The following MELTF variants were observed in gnomAD, a reference collection of about 807,000 sequenced individuals.
MELTF encodes melanotransferrin.
A neutral mutation model predicts 83.7 loss-of-function variants in MELTF; 67 were observed. The ratio of observed to expected loss-of-function variants is 0.80; its 90% CI spans 0.66 to 0.98. The LOEUF (loss-of-function observed/expected upper bound fraction) is 0.98. Ranked by LOEUF, MELTF falls within the 50% of genes least tolerant of loss-of-function variation. The probability of loss-of-function intolerance (pLI) is 0.00; values close to 1 mark genes in which losing one functional copy is unlikely to be tolerated. For missense variants in MELTF, 1,002 were observed against 1,035.6 expected (o/e 0.97, Z 0.44); for synonymous variants, 462 against 447.6 (o/e 1.03, Z -0.41).
Position 197,003,817 on chromosome 3 carries a change from C to T in MELTF, c.2137+84G>A, listed in dbSNP as rs1489804253. On this transcript the variant is annotated intron_variant, in intron 15 of 15. Coordinates refer to ENST00000296350, the MANE Select transcript of MELTF (RefSeq NM_005929.6). This position sits in a 1 kb window ranked among gnomAD's most constrained non-coding sequence, Gnocchi z 6.2. ...GGGCCTCCACCCGCCTCCCCGGACC[C>T]GCAGCGCCCCCCGCTCCCTCAGGGT... 5.5e-6 allele frequency: 8 copies of T among 1,458,162 alleles called. No individual in the cohort carries two copies. The highest frequency in any genetic ancestry group is 2.3e-5 in the East Asian group (1 of 43,596). The allele number at this position is 1,458,162 out of a possible 1,614,324, so 90.3% of individuals were successfully genotyped here.
Position 197,022,009 on chromosome 3 carries a change from A to T in MELTF, c.645-538T>A, listed in dbSNP as rs1719643612. Among the ~76,000 whole-genome samples the T allele has an allele frequency of 6.6e-6, 1 of 152,136 alleles. No individual in the cohort carries two copies. The highest frequency in any genetic ancestry group is 2.4e-5 in the African/African-American group (1 of 41,428). ...GCTGGGGTGACAGGTGTGTGCCACCATGCTGGGCTAATTTTCAGGGTGTTT... is the reference window on the plus strand; with the variant it reads ...GCTGGGGTGACAGGTGTGTGCCACCTTGCTGGGCTAATTTTCAGGGTGTTT... On this transcript the variant is annotated intron_variant, in intron 5 of 15. Coordinates refer to ENST00000296350, the MANE Select transcript of MELTF (RefSeq NM_005929.6). The surrounding 1 kb of genome is among the most constrained non-coding windows in gnomAD (Gnocchi z 5.1).
In MELTF at chr3:197,029,690, T is replaced by A. The variant is rs1577953111; in HGVS notation, c.13A>T (p.Ser5Cys). 1.6e-6 allele frequency: 2 copies of A among 1,244,124 alleles called. No individual in the cohort carries two copies. The highest frequency in any genetic ancestry group is 6.2e-5 in the East Asian group (2 of 32,462). 77.1% of individuals were successfully genotyped at this position (1,244,124 alleles called of 1,614,324 possible). MRGP[S>C]GALWLLLALR... Reference sequence around the variant, plus strand: ...GCCAGGAGCAGCCACAGAGCCCCGCTCGGACCCCGCATGGCGCCGTCGGGG... The same window carrying A: ...GCCAGGAGCAGCCACAGAGCCCCGCACGGACCCCGCATGGCGCCGTCGGGG... The change falls in exon 1 of 16, where the codon AGC becomes TGC. Residue 5 changes from serine (S) to cysteine (C), a missense_variant. By Grantham distance (112) the Ser-to-Cys change is moderately radical. Coordinates refer to ENST00000296350, the MANE Select transcript of MELTF (RefSeq NM_005929.6). The surrounding 1 kb of genome is among the most constrained non-coding windows in gnomAD (Gnocchi z 6.5).
At position 197,028,050 on chromosome 3, in the gene MELTF, G is replaced by A. The variant is rs564611176; in HGVS notation, c.50-140C>T. On this transcript the variant is annotated intron_variant, in intron 1 of 15. Transcript: ENST00000296350. ...TAGGGCAGCCCTGCCCTCCCACAGGGAGGCACTAGGCGCAGAGACAGGGGA... is the reference window on the plus strand; with the variant it reads ...TAGGGCAGCCCTGCCCTCCCACAGGAAGGCACTAGGCGCAGAGACAGGGGA... The A allele has an allele frequency of 5.3e-6, 5 of 950,350 alleles. No homozygotes were observed. The South Asian group carries it at 8.3e-5, about 16-fold the overall frequency. The allele number at this position is 950,350 out of a possible 1,614,324, so 58.9% of individuals were successfully genotyped here. A position where few individuals can be genotyped will look rare whatever the true frequency, so the allele number is the denominator to read the frequency against.
rs1358465548 is a variant in MELTF at position 197,024,587 on chromosome 3, A to G, written c.305-102T>C. Reference sequence around the variant, plus strand: ...GGCTGTGGGAGAGGTGTGTGCACGGAGCACGGCTGTACACACGGATGTGTG... The same window carrying G: ...GGCTGTGGGAGAGGTGTGTGCACGGGGCACGGCTGTACACACGGATGTGTG... On this transcript the variant is annotated intron_variant, in intron 3 of 15. Transcript: ENST00000296350. This position sits in a 1 kb window ranked among gnomAD's most constrained non-coding sequence, Gnocchi z 5.3. 1.0e-5 allele frequency: 11 copies of G among 1,050,170 alleles called. No homozygotes were observed. 65.1% of individuals were successfully genotyped at this position (1,050,170 alleles called of 1,614,324 possible).
intron 9 of MELTF, among the ~76,000 whole-genome samples, chr3:197,012,242 G>T (rs895995053): frequency 1.3e-5 from 2 of 152,206 alleles, no homozygotes; most frequent in Admixed American, 6.5e-5. Context: ...CTCAGGCAAC[G>T]CGGTGTGGGG....
rs1719667649 is a variant in MELTF, at chr3:197,022,634, C to G, written c.644+323G>C. Among the ~76,000 whole-genome samples the G allele has an allele frequency of 6.6e-6, 1 of 152,204 alleles. No homozygotes were observed. The highest frequency in any genetic ancestry group is 1.5e-5 in the Non-Finnish European group (1 of 68,032). ...GCCCCAGGTGTCCAGACACACTCCC[C>G]TGACCCCGCTCCCTGCTGGTCTGAG... is the stretch of plus-strand genomic sequence containing the variant. On this transcript the variant is annotated intron_variant, in intron 5 of 15. Transcript: ENST00000296350. The surrounding 1 kb of genome is among the most constrained non-coding windows in gnomAD (Gnocchi z 5.1).
intron 9 of MELTF, among the ~76,000 whole-genome samples, chr3:197,012,457 A>G (rs1040210604): frequency 2.0e-5 from 3 of 152,250 alleles, no homozygotes; most frequent in African/African-American, 7.2e-5. Context: ...TCATCGTCGT[A>G]AGCCTGGTCA....
intron 14 of MELTF, among the ~76,000 whole-genome samples, chr3:197,005,130 G>A (rs1718931347): frequency 6.6e-6 from 1 of 152,178 alleles, no homozygotes; most frequent in Non-Finnish European, 1.5e-5. Context: ...GAGGGGGAGT[G>A]GTTAGAAACC....
chr3:197,008,877 GT>G lies in MELTF; in HGVS notation c.1613del (p.Asp538AlafsTer90). On this transcript the variant is annotated frameshift_variant, in exon 12 of 16. Coordinates refer to ENST00000296350, the MANE Select transcript of MELTF (RefSeq NM_005929.6). LOFTEE classifies it high-confidence loss of function. This position sits in a 1 kb window ranked among gnomAD's most constrained non-coding sequence, Gnocchi z 5.4. ...CCACACACTTGTTGCGGCCCTGCTC[GT>G]CCCCCACGCACAGTGCACACAGCGA... Reference protein sequence around the residue: ...PSSLCALCVGDEQGRNKCVGN... With the variant: ...PSSLCALCVGXEQGRNKCVGN... 6.2e-7 allele frequency: 1 copy of G among 1,614,174 alleles called. No individual in the cohort carries two copies. Among genetic ancestry groups the G allele is most frequent in the Non-Finnish European group, 8.5e-7 (1 of 1,180,026 alleles).
At chr3:197,019,695 G>C in intron 6 of MELTF, 1 of 1,614,000 alleles carries the variant, frequency 6.2e-7, no homozygotes, top group South Asian at 1.1e-5. Flanking sequence ...CCCATTTCCA[G>C]GCTTGCCCAG....
At chr3:197,021,924 G>C (rs946348775) in intron 5 of MELTF, among the ~76,000 whole-genome samples, 4 of 152,198 alleles carry the variant, frequency 2.6e-5, no homozygotes, top group Non-Finnish European at 5.9e-5. Flanking sequence ...CGCAATCATA[G>C]CTCATGGCAG....
rs1719173525 is a variant in MELTF, at chr3:197,011,124, G to A, written c.1234-330C>T. Among the ~76,000 whole-genome samples, 1 of 152,226 alleles carries A rather than the reference G, an allele frequency of 6.6e-6. No individual in the cohort carries two copies. The highest frequency in any genetic ancestry group is 2.4e-5 in the African/African-American group (1 of 41,462). Reference sequence around the variant, plus strand: ...CCTCATGCTTGGCGTGGGCCTCCCTGTGCCCTGCCAGCCCCCAGACAGCCG... The same window carrying A: ...CCTCATGCTTGGCGTGGGCCTCCCTATGCCCTGCCAGCCCCCAGACAGCCG... On this transcript the variant is annotated intron_variant, in intron 9 of 15. Coordinates refer to ENST00000296350, the MANE Select transcript of MELTF (RefSeq NM_005929.6). The surrounding 1 kb of genome is among the most constrained non-coding windows in gnomAD (Gnocchi z 4.2).
chr3:197,020,560 G>A (rs1030362975), intron 6 of MELTF, among the ~76,000 whole-genome samples: 1 of 152,064 alleles, frequency 6.6e-6, no homozygotes, highest in Non-Finnish European at 1.5e-5. Context: ...AAGAATAGAA[G>A]GGAGCTCTTT....
At chr3:197,023,724 GTTTT>G in intron 4 of MELTF, 1 of 357,782 alleles carries the variant, frequency 2.8e-6, no homozygotes, top group East Asian at 8.3e-5. Context: ...CCTCTTCCTG[GTTTT>G]TTTTTTGTGA....
At chr3:197,017,720 A>T (rs1175267267) in intron 6 of MELTF, among the ~76,000 whole-genome samples, 3 of 152,154 alleles carry the variant, frequency 2.0e-5, no homozygotes, top group East Asian at 1.9e-4. Flanking sequence ...TACTAAAAAT[A>T]CAAAAAATTA....
Position 197,006,507 on chromosome 3 carries a change from C to G in MELTF, c.1938+42G>C. ...GGCCTCCCAGGGGCTCAGCTTACCT[C>G]TGCTGCACACCCCTCAATGAGGTAG... On this transcript the variant is annotated intron_variant, in intron 14 of 15. Transcript: ENST00000296350. The surrounding 1 kb of genome is among the most constrained non-coding windows in gnomAD (Gnocchi z 5.4). The G allele has an allele frequency of 6.3e-7, 1 of 1,583,818 alleles. No homozygotes were observed. Among genetic ancestry groups the G allele is most frequent in the Non-Finnish European group, 8.6e-7 (1 of 1,163,776 alleles).
chr3:197,028,455 C>T (rs1719952799), intron 1 of MELTF: 1 of 154,728 alleles, frequency 6.5e-6, no homozygotes, highest in Non-Finnish European at 1.4e-5. Flanking sequence ...GGCACAGTGC[C>T]AGGCCCTGCC....
rs749390117 is a variant in MELTF at position 197,027,782 on chromosome 3, C to T, written c.178G>A (p.Ala60Thr). 4.5e-5 allele frequency: 72 copies of T among 1,610,458 alleles called. No homozygotes were observed. Among genetic ancestry groups the T allele is most frequent in the East Asian group, 2.9e-4 (13 of 44,776 alleles). ...GCGATGAGCTGGACGCAGTGGTCGGCGGAGGTGCCCCGGACGCAGAGGAGG... is the reference window on the plus strand; with the variant it reads ...GCGATGAGCTGGACGCAGTGGTCGGTGGAGGTGCCCCGGACGCAGAGGAGG... ...PSLLCVRGTSADHCVQLIAAQ... is the reference protein window; with the variant it reads ...PSLLCVRGTSTDHCVQLIAAQ... The change falls in exon 2 of 16, where the codon GCC becomes ACC. Residue 60 changes from alanine to threonine, a missense_variant. Physicochemically the swap from Ala to Thr is moderately conservative, Grantham distance 58. Coordinates refer to ENST00000296350, the MANE Select transcript of MELTF (RefSeq NM_005929.6).
In MELTF at chr3:197,017,969, AGCAGGGG is replaced by A. The variant is rs566380463; in HGVS notation, c.713-686_713-680del. Among the ~76,000 whole-genome samples, 152 of 152,300 alleles carry A rather than the reference AGCAGGGG, an allele frequency of 1.0e-3. 2 individuals carry two copies. The East Asian group carries it at 0.025, about 25-fold the overall frequency. On this transcript the variant is annotated intron_variant, in intron 6 of 15. Transcript: ENST00000296350. The stretch of plus-strand genomic sequence containing the variant: ...CCATGAGGCACTGCGTTTGGCTCTG[AGCAGGGG>A]GCAGGGGGCAGGGCTCCCGGAGCAG...
Sources: gnomAD v4.1 joint callset for allele counts (sites outside exome capture counted in the v4.1 genomes callset) on GRCh38, gnomAD v4.1.1 for gene constraint, Gnocchi (gnomAD v3.1) non-coding constraint, MANE v1.5 for transcripts, NCBI Gene and HGNC (gene_info 2026-07-23, HGNC 2026-07-21) for gene names.